IQCM: variants seen among roughly 807,000 people sequenced by gnomAD.
The protein encoded by IQCM is IQ motif containing M.
IQCM carries 45 observed loss-of-function variants against 57.6 expected under a neutral mutation model. The ratio of observed to expected loss-of-function variants is 0.78; its 90% CI spans 0.62 to 1.00. IQCM has a LOEUF of 1.00. Among genes scored for constraint, IQCM ranks in the 50% least tolerant of loss-of-function variants. The probability of loss-of-function intolerance (pLI) is 0.00; values close to 1 mark genes in which losing one functional copy is unlikely to be tolerated. For missense variants in IQCM, 468 were observed against 511.6 expected, an observed-to-expected ratio of 0.91 and a Z score of 0.82; for synonymous variants, 148 against 158.9, an observed-to-expected ratio of 0.93 and a Z score of 0.51.
chr4:149,427,738 C>T (rs951050196), intron 13 of IQCM, among the ~76,000 whole-genome samples: 5 of 151,868 alleles, frequency 3.3e-5, no homozygotes, highest in Non-Finnish European at 1.5e-5. Context: ...TAAAACATTT[C>T]TCCCATCAAC....
chr4:149,390,328 T>G (rs1731758273), intron 13 of IQCM, among the ~76,000 whole-genome samples: 1 of 151,994 alleles, frequency 6.6e-6, no homozygotes, highest in Admixed American at 6.6e-5. Flanking sequence ...GCTGAATTCA[T>G]TTAACAGTAG....
At chr4:149,488,077 G>C (rs945607406) in intron 12 of IQCM, among the ~76,000 whole-genome samples, 29 of 151,844 alleles carry the variant, frequency 1.9e-4, no homozygotes, top group African/African-American at 7.0e-4. Flanking sequence ...ATTTAGATAG[G>C]TATAAAATAT....
intron 7 of IQCM, among the ~76,000 whole-genome samples, chr4:149,672,544 G>A (rs1309894812): frequency 6.6e-6 from 1 of 152,108 alleles, no homozygotes; most frequent in Non-Finnish European, 1.5e-5. Flanking sequence ...AAGATCAAAT[G>A]AGTGAAATGA....
chr4:149,354,926 G>A (rs1368405587), intron 13 of IQCM, among the ~76,000 whole-genome samples: 3 of 152,148 alleles, frequency 2.0e-5, no homozygotes, highest in Non-Finnish European at 4.4e-5. Flanking sequence ...GTGCAGGTGT[G>A]AGAGTACATG....
chr4:149,564,010 A>T, intron 9 of IQCM, 120 bp from the exon 10 acceptor site: 2 of 492,148 alleles, frequency 4.1e-6, no homozygotes, highest in Non-Finnish European at 6.4e-6. Flanking sequence ...ACTTGTACAT[A>T]GAATTCAATG....
intron 7 of IQCM, among the ~76,000 whole-genome samples, chr4:149,653,071 AT>A (rs1027489618): frequency 2.0e-5 from 3 of 152,114 alleles, no homozygotes; most frequent in South Asian, 2.1e-4. Flanking sequence ...GTAACATGAG[AT>A]TTTTTTTATC....
At chr4:149,429,343 A>T (rs1245044813) in intron 13 of IQCM, among the ~76,000 whole-genome samples, 1 of 151,896 alleles carries the variant, frequency 6.6e-6, no homozygotes, top group African/African-American at 2.4e-5. Flanking sequence ...CTGGAAAAAA[A>T]TTAAAGACTT....
At chr4:149,354,935 T>C (rs909886871) in intron 13 of IQCM, among the ~76,000 whole-genome samples, 12 of 152,136 alleles carry the variant, frequency 7.9e-5, no homozygotes, top group Non-Finnish European at 1.5e-4. Context: ...TGAGAGTACA[T>C]GGGAACACTC....
intron 13 of IQCM, among the ~76,000 whole-genome samples, chr4:149,377,124 T>G (rs1023382048): frequency 3.3e-5 from 5 of 152,108 alleles, no homozygotes; most frequent in Admixed American, 3.3e-4. Flanking sequence ...AATAAATAAG[T>G]CATTACTTTA....
intron 12 of IQCM, among the ~76,000 whole-genome samples, chr4:149,462,990 C>T (rs1281270648): frequency 3.3e-5 from 5 of 152,070 alleles, no homozygotes; most frequent in South Asian, 2.1e-4. Context: ...TTTAAATATC[C>T]GTTTGTTGTG....
intron 2 of IQCM, chr4:149,748,595 T>C (rs1768147640): frequency 6.6e-6 from 1 of 152,196 alleles, no homozygotes; most frequent in Non-Finnish European, 1.5e-5. Flanking sequence ...GGAGTTTTTC[T>C]GTGATCTTAT....
At chr4:149,418,915 C>T (rs1323478683) in intron 13 of IQCM, among the ~76,000 whole-genome samples, 3 of 152,016 alleles carry the variant, frequency 2.0e-5, no homozygotes. Flanking sequence ...GAATAAAATA[C>T]CTAGGAATAC....
intron 2 of IQCM, among the ~76,000 whole-genome samples, chr4:149,778,375 TA>T (rs372224343): frequency 1.2e-4 from 17 of 147,160 alleles, no homozygotes; most frequent in East Asian, 4.0e-4. Flanking sequence ...GGCTCTGTCT[TA>T]AAAAAAAAAG....
intron 12 of IQCM, among the ~76,000 whole-genome samples, chr4:149,526,550 A>C (rs1378577091): frequency 2.6e-5 from 4 of 152,110 alleles, no homozygotes; most frequent in Non-Finnish European, 5.9e-5. Context: ...CAGCCTGCTT[A>C]CATTACACAA....
chr4:149,594,326 A>T (rs1376336319), intron 8 of IQCM, among the ~76,000 whole-genome samples: 1 of 151,766 alleles, frequency 6.6e-6, no homozygotes, highest in African/African-American at 2.4e-5. Flanking sequence ...TTTTTATTGC[A>T]TCTACTTTAT....
intron 9 of IQCM, among the ~76,000 whole-genome samples, chr4:149,569,328 T>C (rs1750935279): frequency 6.6e-6 from 1 of 152,198 alleles, no homozygotes; most frequent in Non-Finnish European, 1.5e-5. Context: ...AGAGGTAAAT[T>C]ATCTGTCAAG....
intron 12 of IQCM, among the ~76,000 whole-genome samples, chr4:149,478,215 G>A (rs1020922317): frequency 1.3e-5 from 2 of 152,130 alleles, no homozygotes; most frequent in Admixed American, 6.6e-5. Flanking sequence ...GGTGTGACTT[G>A]AAATAAGTGA....
intron 2 of IQCM, among the ~76,000 whole-genome samples, chr4:149,808,266 G>A (rs746908196): frequency 3.9e-5 from 6 of 152,058 alleles, no homozygotes; most frequent in South Asian, 2.1e-4. Context: ...TTGCAGCAAC[G>A]TGGATGGAAA....
At chr4:149,687,342 T>G (rs1237968598) in intron 5 of IQCM, among the ~76,000 whole-genome samples, 1 of 151,478 alleles carries the variant, frequency 6.6e-6, no homozygotes, top group Non-Finnish European at 1.5e-5. Context: ...GCCTTCGGTG[T>G]CCTTGGGTTC....
Sources: gnomAD v4.1 joint callset for allele counts (sites outside exome capture counted in the v4.1 genomes callset) on GRCh38, gnomAD v4.1.1 for gene constraint, MANE v1.5 for transcripts, NCBI Gene and HGNC (gene_info 2026-07-23, HGNC 2026-07-21) for gene names.